Variants in FBXL4 observed in about 807,000 individuals in gnomAD.
FBXL4 encodes the protein F-box and leucine rich repeat protein 4.
A neutral mutation model predicts 58.9 loss-of-function variants in FBXL4; 40 were observed. That is an observed-to-expected ratio of 0.68 (90% CI 0.53 to 0.88). The LOEUF (loss-of-function observed/expected upper bound fraction) is 0.88. Ranked by LOEUF, FBXL4 falls within the 40% of genes least tolerant of loss-of-function variation. The probability of loss-of-function intolerance (pLI) is 0.00; values close to 1 mark genes in which losing one functional copy is unlikely to be tolerated. For synonymous variants in FBXL4, 263 were observed against 265.5 expected (o/e 0.99, Z 0.09); for missense variants, 676 against 734.4 (o/e 0.92, Z 0.92).
At chr6:98,912,459 C>G (rs1054792551) in intron 5 of FBXL4, among the ~76,000 whole-genome samples, 3 of 152,192 alleles carry the variant, frequency 2.0e-5, no homozygotes, top group Non-Finnish European at 2.9e-5. Flanking sequence ...GGAAGCCCAT[C>G]AGACTAACTG....
chr6:98,947,497 G>A (rs1773666803), intron 1 of FBXL4, among the ~76,000 whole-genome samples: 1 of 152,250 alleles, frequency 6.6e-6, no homozygotes, highest in Non-Finnish European at 1.5e-5. Context: ...GCAGTCCCCC[G>A]CGGTGTAAAC....
intron 1 of FBXL4, among the ~76,000 whole-genome samples, chr6:98,937,330 T>C (rs1017897612): frequency 7.2e-5 from 11 of 152,098 alleles, no homozygotes; most frequent in African/African-American, 1.4e-4. Flanking sequence ...ATATAACTTT[T>C]GACTCACCCA....
chr6:98,901,729 G>C lies in FBXL4; in HGVS notation c.1104-2248C>G, dbSNP rs111451237. Among the ~76,000 whole-genome samples the C allele has an allele frequency of 1.7e-3, 265 of 152,180 alleles. 2 individuals carry two copies. Among genetic ancestry groups the C allele is most frequent in the African/African-American group, 5.9e-3 (244 of 41,516 alleles). On this transcript the variant is annotated intron_variant, in intron 6 of 9. Transcript: ENST00000369244. The stretch of plus-strand genomic sequence containing the variant: ...GAGACAGTAGCAGACTCAATTAGCT[G>C]AACACAGCTCTTACTTCTTTCCTTA...
chr6:98,879,425 A>G (rs1051837795), intron 8 of FBXL4, among the ~76,000 whole-genome samples: 1 of 152,212 alleles, frequency 6.6e-6, no homozygotes, highest in African/African-American at 2.4e-5. Flanking sequence ...CACTTACGGT[A>G]TGTGTGCACA....
chr6:98,877,636 T>C (rs1318936847), intron 8 of FBXL4, among the ~76,000 whole-genome samples: 2 of 152,184 alleles, frequency 1.3e-5, no homozygotes, highest in Admixed American at 6.5e-5. Context: ...ATATTAGACA[T>C]ATTTATTTTC....
chr6:98,879,942 C>CA (rs57952065), intron 8 of FBXL4, among the ~76,000 whole-genome samples: 28,792 of 62,144 alleles, frequency 0.46, 7,592 homozygotes, highest in Middle Eastern at 0.58. Context: ...GACTCCATCT[C>CA]AAAAAAAAAA....
chr6:98,874,274 T>C lies in FBXL4; in HGVS notation c.*4A>G, dbSNP rs751716397. The C allele has an allele frequency of 1.9e-6, 3 of 1,575,752 alleles. No individual in the cohort carries two copies. The highest frequency in any genetic ancestry group is 2.6e-6 in the Non-Finnish European group (3 of 1,167,634). ...ATTAATTTTAATACAGAACATATAT[T>C]AAGTCACTGAGTAAAGCTCTTTTTT... On this transcript the variant is annotated 3_prime_UTR_variant, in exon 10 of 10. Transcript: ENST00000369244.
At chr6:98,894,924 A>T (rs1309361540) in intron 7 of FBXL4, among the ~76,000 whole-genome samples, 1 of 152,182 alleles carries the variant, frequency 6.6e-6, no homozygotes, top group African/African-American at 2.4e-5. Context: ...ATTCTGAACA[A>T]CCACTGATGC....
At chr6:98,922,266 G>C (rs1444579893) in intron 4 of FBXL4, among the ~76,000 whole-genome samples, 1 of 152,126 alleles carries the variant, frequency 6.6e-6, no homozygotes, top group Non-Finnish European at 1.5e-5. Flanking sequence ...CAAGAAATGA[G>C]GAGACTTTAA....
At chr6:98,911,220 C>G (rs549969777) in intron 5 of FBXL4, among the ~76,000 whole-genome samples, 3 of 152,218 alleles carry the variant, frequency 2.0e-5, no homozygotes, top group Non-Finnish European at 2.9e-5. Flanking sequence ...GGAGGCCTAC[C>G]TGCCTCTGTA....
At chr6:98,930,939 A>C (rs762677245) in intron 2 of FBXL4, among the ~76,000 whole-genome samples, 1 of 152,244 alleles carries the variant, frequency 6.6e-6, no homozygotes, top group Non-Finnish European at 1.5e-5. Flanking sequence ...AACTGCAAAA[A>C]TAAAATTTAG....
In FBXL4 at chr6:98,873,287, A is replaced by G. The variant is rs1315525964; in HGVS notation, c.*991T>C. The G allele has an allele frequency of 6.8e-6, 1 of 147,570 alleles. No individual in the cohort carries two copies. Among genetic ancestry groups the G allele is most frequent in the Admixed American group, 6.8e-5 (1 of 14,650 alleles). The allele number at this position is 147,570 out of a possible 1,614,324, so 9.1% of individuals were successfully genotyped here. Reference sequence around the variant, plus strand: ...TAAATGTAATATATAATTATATAATATATAATATATACATGTATATATTAA... The same window carrying G: ...TAAATGTAATATATAATTATATAATGTATAATATATACATGTATATATTAA... On this transcript the variant is annotated 3_prime_UTR_variant, in exon 10 of 10. Coordinates refer to ENST00000369244, the MANE Select transcript of FBXL4 (RefSeq NM_001278716.2).
chr6:98,925,340 C>T (rs1772737932), intron 4 of FBXL4, among the ~76,000 whole-genome samples: 1 of 151,662 alleles, frequency 6.6e-6, no homozygotes, highest in African/African-American at 2.4e-5. Flanking sequence ...AGAAATTTGG[C>T]ATTACATATG....
chr6:98,912,371 T>C (rs185826286), intron 5 of FBXL4, among the ~76,000 whole-genome samples: 1 of 152,136 alleles, frequency 6.6e-6, no homozygotes, highest in Admixed American at 6.5e-5. Flanking sequence ...AGACACATAA[T>C]TGTCAGATTC....
rs749286898 is a variant in FBXL4, at chr6:98,917,595, G to A, written c.637C>T (p.Leu213Phe). Residue 213 changes from leucine to phenylalanine, a missense_variant, in exon 5 of 10, where the codon CTT (leucine) becomes TTT (phenylalanine). Coordinates refer to ENST00000369244, the MANE Select transcript of FBXL4 (RefSeq NM_001278716.2). ...NLIRLEVNSS[L>F]LEYYTELDAV... ...TCTAATTCAGTGTAATATTCCAGAAGAGAACTATTTACTTCCAGTCGTATA... is the reference window on the plus strand; with the variant it reads ...TCTAATTCAGTGTAATATTCCAGAAAAGAACTATTTACTTCCAGTCGTATA... 1.2e-6 allele frequency: 2 copies of A among 1,613,990 alleles called. No individual in the cohort carries two copies. Among genetic ancestry groups the A allele is most frequent in the Non-Finnish European group, 8.5e-7 (1 of 1,179,912 alleles).
intron 8 of FBXL4, among the ~76,000 whole-genome samples, chr6:98,879,034 T>C (rs1770754154): frequency 6.6e-6 from 1 of 152,072 alleles, no homozygotes; most frequent in Non-Finnish European, 1.5e-5. Context: ...ACCACAAGAT[T>C]TTAAAGACCA....
chr6:98,936,636 T>C (rs989862242), intron 1 of FBXL4, among the ~76,000 whole-genome samples: 2 of 151,964 alleles, frequency 1.3e-5, no homozygotes, highest in Admixed American at 6.6e-5. Context: ...TAATATTTTC[T>C]TTCTCTAGCC....
intron 9 of FBXL4, among the ~76,000 whole-genome samples, chr6:98,874,775 T>C (rs1045866509): frequency 7.2e-5 from 11 of 152,210 alleles, no homozygotes; most frequent in African/African-American, 2.2e-4. Context: ...TCACCATGCA[T>C]TTGATGTAAA....
intron 2 of FBXL4, among the ~76,000 whole-genome samples, chr6:98,930,546 T>C (rs1256226233): frequency 6.6e-6 from 1 of 152,178 alleles, no homozygotes; most frequent in Non-Finnish European, 1.5e-5. Context: ...ATGTTATAAT[T>C]GGGGGAAAAA....
Sources: gnomAD v4.1 joint callset for allele counts (sites outside exome capture counted in the v4.1 genomes callset) on GRCh38, gnomAD v4.1.1 for gene constraint, MANE v1.5 for transcripts, NCBI Gene and HGNC (gene_info 2026-07-23, HGNC 2026-07-21) for gene names.